The following PARVB variants were observed in gnomAD, a reference collection of about 807,000 sequenced individuals.
PARVB encodes beta-parvin.
A neutral mutation model predicts 47.0 loss-of-function variants in PARVB; 46 were observed. The observed-to-expected ratio is 0.98, with a 90% CI of 0.77 to 1.25. The LOEUF (loss-of-function observed/expected upper bound fraction) is 1.25. PARVB is among the 50% of genes most tolerant of loss of function. The pLI is 0.00. For missense variants in PARVB, 473 were observed against 471.6 expected (o/e 1.00, Z -0.03); for synonymous variants, 196 against 196.3 (o/e 1.00, Z 0.01).
chr22:44,008,162 A>C (rs1238231235), intron 2 of PARVB, among the ~76,000 whole-genome samples: 1 of 152,046 alleles, frequency 6.6e-6, no homozygotes, highest in African/African-American at 2.4e-5. Context: ...GCACAGTTGC[A>C]TGATCTCGGC....
chr22:44,163,309 AAATAAT>A (rs904946891), intron 11 of PARVB, among the ~76,000 whole-genome samples: 1 of 152,078 alleles, frequency 6.6e-6, no homozygotes, highest in Non-Finnish European at 1.5e-5. Context: ...TCTCTAAAAA[AAATAAT>A]AATAATACAA....
intron 1 of PARVB, among the ~76,000 whole-genome samples, chr22:44,059,670 T>C (rs1220220745): frequency 2.0e-5 from 3 of 152,172 alleles, no homozygotes; most frequent in Non-Finnish European, 2.9e-5. Flanking sequence ...AAAATGTGAA[T>C]GTTGGGTGTA....
chr22:44,076,648 C>T (rs777414557), intron 1 of PARVB, among the ~76,000 whole-genome samples: 1 of 152,130 alleles, frequency 6.6e-6, no homozygotes, highest in African/African-American at 2.4e-5. Context: ...TATAGGCGTG[C>T]CTGGGTCCTG....
intron 6 of PARVB, 139 bp from the exon 7 acceptor site, chr22:44,136,321 C>A: frequency 1.3e-6 from 1 of 757,576 alleles, no homozygotes; most frequent in Non-Finnish European, 2.3e-6. Context: ...GCCTGGCATG[C>A]GTGTTCAACA....
intron 1 of PARVB, among the ~76,000 whole-genome samples, chr22:44,029,135 C>A (rs568016342): frequency 3.3e-5 from 5 of 152,250 alleles, no homozygotes; most frequent in African/African-American, 9.6e-5. Flanking sequence ...CAGGCACATA[C>A]CACCATGCCC....
At position 44,128,326 on chromosome 22, in the gene PARVB, C is replaced by T. The variant is rs963913932; in HGVS notation, c.377-3161C>T. Among the ~76,000 whole-genome samples, 5 of 152,338 alleles carry T rather than the reference C, an allele frequency of 3.3e-5. No homozygotes were observed. In the East Asian group the frequency reaches 7.7e-4, roughly 24 times the overall value. On this transcript the variant is annotated intron_variant, in intron 4 of 12. Coordinates refer to ENST00000338758, the MANE Select transcript of PARVB (RefSeq NM_013327.5). Reference sequence around the variant, plus strand: ...ACATGTGTACTCAACCCCCATGTGGCCATCACTCAGGGTCACCTGCTACAT... The same window carrying T: ...ACATGTGTACTCAACCCCCATGTGGTCATCACTCAGGGTCACCTGCTACAT...
chr22:44,088,021 T>G (rs1461554742), intron 1 of PARVB, among the ~76,000 whole-genome samples: 5 of 152,148 alleles, frequency 3.3e-5, no homozygotes, highest in African/African-American at 1.2e-4. Context: ...CTTTGTGATC[T>G]CTCTGAGGTG....
At chr22:44,138,828 G>T (rs2053494069) in intron 7 of PARVB, among the ~76,000 whole-genome samples, 2 of 152,188 alleles carry the variant, frequency 1.3e-5, no homozygotes, top group Non-Finnish European at 2.9e-5. Flanking sequence ...TGAGGGCAGG[G>T]CCACATAGTG....
chr22:44,060,897 CACA>C (rs1187026909), intron 1 of PARVB, among the ~76,000 whole-genome samples: 3 of 152,132 alleles, frequency 2.0e-5, no homozygotes, highest in Admixed American at 6.5e-5. Context: ...AGCCTCTGGT[CACA>C]ACATTTTCAG....
chr22:44,151,029 C>CAAAAAAAAAAAAAAAAAAAAAA (rs35913551), intron 9 of PARVB: 4 of 51,668 alleles, frequency 7.7e-5, no homozygotes, highest in South Asian at 2.2e-3. Flanking sequence ...GAGACTGTCT[C>CAAAAAAAAAAAAAAAAAAAAAA]AAAAAAAAAA....
intron 1 of PARVB, among the ~76,000 whole-genome samples, chr22:44,085,633 C>T (rs2052006819): frequency 1.3e-5 from 2 of 152,248 alleles, no homozygotes; most frequent in East Asian, 3.8e-4. Context: ...TAAAAAATCT[C>T]AACACCATGC....
At chr22:44,110,471 G>A (rs969000307) in intron 3 of PARVB, 3 of 152,128 alleles carry the variant, frequency 2.0e-5, no homozygotes, top group Non-Finnish European at 4.4e-5. Flanking sequence ...CCACAGTTTC[G>A]ACGACTGGAG....
At chr22:44,101,081 A>G (rs1185297268) in intron 3 of PARVB, among the ~76,000 whole-genome samples, 1 of 152,252 alleles carries the variant, frequency 6.6e-6, no homozygotes, top group Admixed American at 6.5e-5. Flanking sequence ...CTCATTCAGA[A>G]TAAGTAAGAC....
intron 1 of PARVB, among the ~76,000 whole-genome samples, chr22:44,030,605 G>GGCAGGAATGTGGCACGGGGC (rs2050808433): frequency 6.6e-6 from 1 of 152,126 alleles, no homozygotes; most frequent in African/African-American, 2.4e-5. Flanking sequence ...GAGGCAGGCT[G>GGCAGGAATGTGGCACGGGGC]GCAGGAATGT....
rs754628837 is a variant in PARVB, at chr22:44,158,094, G to A, written c.945+11G>A. 2 of 1,569,672 alleles carry A rather than the reference G, an allele frequency of 1.3e-6. No individual in the cohort carries two copies. The highest frequency in any genetic ancestry group is 1.8e-6 in the Non-Finnish European group (2 of 1,139,512). ...AGCTTCGATCAGAAGGTATGTGCAT[G>A]GTCTCCATCCTTGGTAGGGGCTCAA... On this transcript the variant is annotated intron_variant, in intron 11 of 12. Transcript: ENST00000338758.
chr22:44,093,864 C>CA (rs1365944791), intron 1 of PARVB, 64 bp from the exon 2 acceptor site: 47 of 985,892 alleles, frequency 4.8e-5, no homozygotes, highest in Non-Finnish European at 7.1e-5. Flanking sequence ...CGTCCACAGC[C>CA]AACATGTGAG....
chr22:44,101,460 T>C (rs952050389), intron 3 of PARVB, among the ~76,000 whole-genome samples: 4 of 151,066 alleles, frequency 2.6e-5, no homozygotes, highest in Non-Finnish European at 5.9e-5. Flanking sequence ...AAATAAAATC[T>C]ACATTGAGAC....
chr22:44,117,161 C>T lies in PARVB; in HGVS notation c.274-1877C>T, dbSNP rs552441226. On this transcript the variant is annotated intron_variant, in intron 3 of 12. Coordinates refer to ENST00000338758, the MANE Select transcript of PARVB (RefSeq NM_013327.5). Reference sequence around the variant, plus strand: ...GCCCCGTGGCAGGGGCATGGAGAGGCGGGCCCTGTGCTTAGGGGGTCCTGG... The same window carrying T: ...GCCCCGTGGCAGGGGCATGGAGAGGTGGGCCCTGTGCTTAGGGGGTCCTGG... Among the ~76,000 whole-genome samples the T allele has an allele frequency of 6.6e-5, 10 of 152,180 alleles. No individual in the cohort carries two copies. The East Asian group carries it at 1.6e-3, about 24-fold the overall frequency.
intron 4 of PARVB, among the ~76,000 whole-genome samples, chr22:44,127,376 T>C (rs560763501): frequency 5.9e-5 from 9 of 152,338 alleles, no homozygotes; most frequent in Middle Eastern, 3.4e-3. Flanking sequence ...ATACTGTTGA[T>C]GTGAGATCCT....
Sources: allele counts gnomAD v4.1 joint callset (sites outside exome capture counted in the v4.1 genomes callset), GRCh38; gene constraint gnomAD v4.1.1; transcripts MANE v1.5; gene names NCBI Gene and HGNC (gene_info 2026-07-23, HGNC 2026-07-21).